GPR174: variants seen among roughly 807,000 people sequenced by gnomAD.
The protein encoded by GPR174 is probable G protein-coupled receptor 174.
A neutral mutation model predicts 16.5 loss-of-function variants in GPR174; 8 were observed. That is an observed-to-expected ratio of 0.48 (90% confidence interval 0.28 to 0.87). GPR174 has a LOEUF of 0.87. Among genes scored for constraint, GPR174 ranks in the 40% least tolerant of loss-of-function variants. GPR174 has a pLI of 0.09. For synonymous variants in GPR174, 111 were observed against 94.8 expected (o/e 1.17, Z -0.99); for missense variants, 214 against 247.5 (o/e 0.86, Z 0.91).
chrX:79,150,739 T>G (rs1926585391), intron 1 of GPR174, among the ~76,000 whole-genome samples: 2 of 112,180 alleles, frequency 1.8e-5, no homozygotes, highest in Admixed American at 9.4e-5. Flanking sequence ...TAGGTTTGGT[T>G]TGCTCAGTCT....
chrX:79,153,111 T>C (rs1161948503), intron 1 of GPR174, among the ~76,000 whole-genome samples: 2 of 112,574 alleles, frequency 1.8e-5, no homozygotes, highest in East Asian at 2.8e-4. Flanking sequence ...TCAGAAATGC[T>C]GTATGGAATA....
rs1921519129 is a variant in GPR174, at chrX:79,171,651, A to C, written c.644A>C (p.Lys215Thr). 1 of 1,209,266 alleles carries C rather than the reference A, an allele frequency of 8.3e-7. No individual in the cohort carries two copies. Among genetic ancestry groups the C allele is most frequent in the Non-Finnish European group, 1.1e-6 (1 of 895,053 alleles). The change falls in exon 3 of 3, where the codon AAA becomes ACA. Residue 215 changes from lysine (K) to threonine (T), a missense_variant. Physicochemically the swap from Lys to Thr is moderately conservative, Grantham distance 78. Transcript: ENST00000645147. ...TWKTVLSLQDKYPMAQDLGEK... is the reference protein window; with the variant it reads ...TWKTVLSLQDTYPMAQDLGEK... ...AAGACGGTTTTATCACTGCAAGATA[A>C]ATATCCCATGGCCCAAGATCTTGGA...
chrX:79,164,619 A>G (rs1408512641), intron 2 of GPR174, among the ~76,000 whole-genome samples: 1 of 111,683 alleles, frequency 9.0e-6, no homozygotes, highest in Non-Finnish European at 1.9e-5. Context: ...ATGGAGGCTT[A>G]TTTTCTGAAT....
intron 2 of GPR174, among the ~76,000 whole-genome samples, chrX:79,166,406 G>A (rs1921362410): frequency 1.2e-5 from 1 of 82,509 alleles, no homozygotes; most frequent in African/African-American, 4.1e-5. Flanking sequence ...TAAACTTAAA[G>A]GGATCTTTTT....
intron 1 of GPR174, among the ~76,000 whole-genome samples, chrX:79,154,593 G>C (rs1301387965): frequency 9.0e-6 from 1 of 111,032 alleles, no homozygotes; most frequent in Non-Finnish European, 1.9e-5. Context: ...GAAGAACACA[G>C]GGATTCTTTG....
chrX:79,169,670 T>C (rs753519705), intron 2 of GPR174, among the ~76,000 whole-genome samples: 1 of 111,505 alleles, frequency 9.0e-6, no homozygotes, highest in South Asian at 3.8e-4. Context: ...CCTCCTAGAT[T>C]TCAGCAGCCT....
chrX:79,150,830 G>A (rs770815381), intron 1 of GPR174, among the ~76,000 whole-genome samples: 2 of 111,429 alleles, frequency 1.8e-5, no homozygotes, highest in East Asian at 5.6e-4. Context: ...ATCTCCGGGA[G>A]TTCAGTCTAG....
chrX:79,171,583 T>G lies in GPR174; in HGVS notation c.576T>G (p.Ile192Met). The G allele has an allele frequency of 8.3e-7, 1 of 1,211,421 alleles. No individual in the cohort carries two copies. Among genetic ancestry groups the G allele is most frequent in the Non-Finnish European group, 1.1e-6 (1 of 895,410 alleles). The change falls in exon 3 of 3, where the codon ATT (isoleucine) becomes ATG (methionine). Residue 192 changes from isoleucine to methionine, a missense_variant. Ile to Met is a conservative substitution (Grantham distance 10). Transcript: ENST00000645147. Reference sequence around the variant, plus strand: ...TTATGATGACCATTGGCGAGTTGATTGGGTTTGTAACTCCGCTTCTGATTG... The same window carrying G: ...TTATGATGACCATTGGCGAGTTGATGGGGTTTGTAACTCCGCTTCTGATTG... ...SVVMMTIGEL[I>M]GFVTPLLIVL...
rs148223311 is a variant in GPR174, at chrX:79,171,796, C to T, written c.789C>T (p.Ser263=). The T allele has an allele frequency of 4.1e-5, 49 of 1,208,081 alleles. No individual in the cohort carries two copies. In the African/African-American group the frequency reaches 7.2e-4, roughly 18 times the overall value. The change falls in exon 3 of 3, where the codon AGC becomes AGT. Residue 263 remains serine, a synonymous_variant. Coordinates refer to ENST00000645147, the MANE Select transcript of GPR174 (RefSeq NM_032553.3). ...TGGTGAAGTCCAATGAAATTAAAAG[C>T]TGCCTAGCCAGAAGGGTGATTCTAA... is the stretch of plus-strand genomic sequence containing the variant. ...DFLVKSNEIK[S]CLARRVILIF...
chrX:79,174,622 A>G lies in GPR174; in HGVS notation c.*2613A>G, dbSNP rs1921597203. 9.0e-6 allele frequency: 1 copy of G among 110,934 alleles called. No individual in the cohort carries two copies. The highest frequency in any genetic ancestry group is 3.9e-4 in the South Asian group (1 of 2,583). The allele number at this position is 110,934 out of a possible 1,213,427, so 9.1% of individuals were successfully genotyped here. ...ACCATAATGGGAATGCTGACTTTTAAGAAATTAAGAAATGTATCCATGAAC... is the reference window on the plus strand; with the variant it reads ...ACCATAATGGGAATGCTGACTTTTAGGAAATTAAGAAATGTATCCATGAAC... On this transcript the variant is annotated 3_prime_UTR_variant, in exon 3 of 3. Transcript: ENST00000645147.
intron 2 of GPR174, among the ~76,000 whole-genome samples, chrX:79,163,459 C>T (rs1156703142): frequency 9.0e-6 from 1 of 111,686 alleles, no homozygotes; most frequent in African/African-American, 3.3e-5. Context: ...AGTCCATAGT[C>T]TTTCTGCAAG....
In GPR174 at chrX:79,171,280, C is replaced by A; in HGVS notation, c.273C>A (p.Cys91Ter). 8.3e-7 allele frequency: 1 copy of A among 1,211,547 alleles called. No homozygotes were observed. Among genetic ancestry groups the A allele is most frequent in the Non-Finnish European group, 1.1e-6 (1 of 895,160 alleles). ...NHDWPFGPGL[C>*]MFCFYLKYVN... ...ACTGGCCATTTGGGCCTGGTCTCTG[C>A]ATGTTCTGTTTCTACCTGAAGTATG... The change falls in exon 3 of 3, where the codon TGC becomes TGA. Residue 91 changes from cysteine (C) to a stop codon, truncating the protein, a stop_gained. Coordinates refer to ENST00000645147, the MANE Select transcript of GPR174 (RefSeq NM_032553.3). LOFTEE classifies it high-confidence loss of function.
At chrX:79,151,334 A>G (rs66644818) in intron 1 of GPR174, among the ~76,000 whole-genome samples, 22,193 of 110,767 alleles carry the variant, frequency 0.2, 1,960 homozygotes, top group African/African-American at 0.32. Context: ...CCAGTGATAT[A>G]CAACTGTTTT....
At chrX:79,158,442 CTTTTTCT>C (rs1856030794) in intron 2 of GPR174, among the ~76,000 whole-genome samples, 1 of 73,952 alleles carries the variant, frequency 1.4e-5, no homozygotes, top group African/African-American at 4.7e-5. Flanking sequence ...TTCTTTCTTT[CTTTTTCT>C]TTTTTTTTTT....
chrX:79,174,970 G>GT lies in GPR174; in HGVS notation c.*2962dup, dbSNP rs1468674457. 10 of 111,952 alleles carry GT rather than the reference G, an allele frequency of 8.9e-5. No homozygotes were observed. The highest frequency in any genetic ancestry group is 2.9e-4 in the African/African-American group (9 of 30,831). 9.2% of individuals were successfully genotyped at this position (111,952 alleles called of 1,213,427 possible). On this transcript the variant is annotated 3_prime_UTR_variant, in exon 3 of 3. Coordinates refer to ENST00000645147, the MANE Select transcript of GPR174 (RefSeq NM_032553.3). ...TTGTTGAATTTTGATTCAAAAATGC[G>GT]TAAGTATTCCAATAAGAAAAACTTT...
chrX:79,156,697 A>G (rs1352288578), intron 1 of GPR174, 125 bp from the exon 2 acceptor site: 1 of 112,056 alleles, frequency 8.9e-6, no homozygotes, highest in East Asian at 2.8e-4. Flanking sequence ...GTAACTCTCT[A>G]TACTCTCCTT....
intron 2 of GPR174, among the ~76,000 whole-genome samples, chrX:79,160,098 CTT>C (rs757144283): frequency 8.9e-6 from 1 of 112,023 alleles, no homozygotes; most frequent in South Asian, 3.8e-4. Flanking sequence ...TTCTCATACT[CTT>C]TGAAATTGTC....
At chrX:79,151,189 A>T (rs929699066) in intron 1 of GPR174, among the ~76,000 whole-genome samples, 8 of 111,632 alleles carry the variant, frequency 7.2e-5, no homozygotes, top group Admixed American at 2.9e-4. Context: ...AAAGTAATAT[A>T]TATTTTTAAA....
intron 1 of GPR174, among the ~76,000 whole-genome samples, chrX:79,148,672 C>T (rs1926546922): frequency 9.0e-6 from 1 of 110,909 alleles, no homozygotes; most frequent in African/African-American, 3.3e-5. Flanking sequence ...CCATGCACCA[C>T]TATGCAAGGC....
Sources: gnomAD v4.1 joint callset for allele counts (sites outside exome capture counted in the v4.1 genomes callset) on GRCh38, gnomAD v4.1.1 for gene constraint, MANE v1.5 for transcripts, NCBI Gene and HGNC (gene_info 2026-07-23, HGNC 2026-07-21) for gene names.